ACSS1: variants seen among roughly 807,000 people sequenced by gnomAD.
ACSS1 encodes the protein acyl-CoA synthetase short chain family member 1.
Under a neutral mutation model 75.3 loss-of-function variants are expected in ACSS1, and 42 were observed. That is an observed-to-expected ratio of 0.56 (90% CI 0.44 to 0.72). ACSS1 has a LOEUF of 0.72. Ranked by LOEUF, ACSS1 falls within the 30% of genes least tolerant of loss-of-function variation. ACSS1 has a pLI of 0.00. For synonymous variants in ACSS1, 380 were observed against 376.8 expected, an observed-to-expected ratio of 1.01 and a Z score of -0.10; for missense variants, 782 against 935.7, an observed-to-expected ratio of 0.84 and a Z score of 2.14.
chr20:25,048,035 G>A (rs777191898), intron 2 of ACSS1, 50 bp downstream of exon 2: 1 of 1,558,128 alleles, frequency 6.4e-7, no homozygotes, highest in Middle Eastern at 1.7e-4. Flanking sequence ...CAGCACACAG[G>A]ACTGGGCTGG....
intron 7 of ACSS1, among the ~76,000 whole-genome samples, chr20:25,017,552 C>T (rs1300469417): frequency 1.3e-5 from 2 of 152,226 alleles, no homozygotes; most frequent in Non-Finnish European, 2.9e-5. Flanking sequence ...CCTGGCCTCC[C>T]GCAGGGCTCT....
chr20:25,022,705 C>A lies in ACSS1; in HGVS notation c.960+235G>T, dbSNP rs569994406. On this transcript the variant is annotated intron_variant, in intron 5 of 13. Transcript: ENST00000323482. ...AATGGCCCTTAGTGTCCTGCTGCCG[C>A]GTTACATGATCAGATTATCTGGGAG... Among the ~76,000 whole-genome samples, 4 of 152,256 alleles carry A rather than the reference C, an allele frequency of 2.6e-5. 1 individual carries two copies. In the South Asian group the frequency reaches 6.2e-4, roughly 24 times the overall value.
chr20:25,023,182 G>A, intron 4 of ACSS1, 90 bp from the exon 5 acceptor site: 1 of 1,468,366 alleles, frequency 6.8e-7, no homozygotes, highest in Non-Finnish European at 9.1e-7. Flanking sequence ...TCCACACACA[G>A]GATTCAGAAT....
At chr20:25,025,108 C>T (rs62217173) in intron 3 of ACSS1, among the ~76,000 whole-genome samples, 19,005 of 152,246 alleles carry the variant, frequency 0.12, 1,445 homozygotes, top group Middle Eastern at 0.22. Flanking sequence ...CTCAAGGGGA[C>T]GGGAGACAAA....
chr20:25,040,483 C>T (rs2088982656), intron 2 of ACSS1, among the ~76,000 whole-genome samples: 1 of 152,242 alleles, frequency 6.6e-6, no homozygotes, highest in East Asian at 1.9e-4. Context: ...TCGGGCCCAG[C>T]GACTTTCCTT....
intron 13 of ACSS1, 99 bp downstream of exon 13, chr20:25,009,171 T>C: frequency 2.8e-6 from 3 of 1,088,356 alleles, no homozygotes; most frequent in Middle Eastern, 4.1e-4. Context: ...GTTTTGATGC[T>C]AATTGGAAAA....
At chr20:25,053,541 G>T (rs1197805275) in intron 1 of ACSS1, among the ~76,000 whole-genome samples, 2 of 152,148 alleles carry the variant, frequency 1.3e-5, no homozygotes, top group African/African-American at 2.4e-5. Flanking sequence ...AAGATTAGGG[G>T]TTCCTTTTTC....
In ACSS1 at chr20:25,012,836, C is replaced by T. The variant is rs2088436309; in HGVS notation, c.1683G>A (p.Gly561=). The T allele has an allele frequency of 6.2e-7, 1 of 1,614,160 alleles. No individual in the cohort carries two copies. The highest frequency in any genetic ancestry group is 2.2e-5 in the East Asian group (1 of 44,886). ...DVINISGHRL[G]TAEIEDAIAD... is the part of the protein sequence containing the mutation. ...CGATGGCGTCCTCAATCTCTGCGGTCCCCAGCCGGTGGCCACTGATGTTGA... is the reference window on the plus strand; with the variant it reads ...CGATGGCGTCCTCAATCTCTGCGGTTCCCAGCCGGTGGCCACTGATGTTGA... Residue 561 remains glycine, a synonymous_variant, in exon 11 of 14, where the codon GGG becomes GGA. Coordinates refer to ENST00000323482, the MANE Select transcript of ACSS1 (RefSeq NM_032501.4).
chr20:25,017,431 C>G (rs939041871), intron 7 of ACSS1, among the ~76,000 whole-genome samples: 1 of 152,204 alleles, frequency 6.6e-6, no homozygotes, highest in East Asian at 1.9e-4. Context: ...CACACTGACT[C>G]CCAGCACTGC....
intron 3 of ACSS1, among the ~76,000 whole-genome samples, chr20:25,028,287 A>G (rs1229195359): frequency 6.6e-6 from 1 of 152,232 alleles, no homozygotes. Flanking sequence ...ACAAGAAAGC[A>G]AGAAGAGCCA....
At chr20:25,053,857 G>A (rs1294631342) in intron 1 of ACSS1, among the ~76,000 whole-genome samples, 1 of 152,180 alleles carries the variant, frequency 6.6e-6, no homozygotes, top group East Asian at 1.9e-4. Context: ...CTTAAAATTG[G>A]GGGTTTTAAA....
At chr20:25,025,968 G>T (rs1300554044) in intron 3 of ACSS1, among the ~76,000 whole-genome samples, 1 of 152,114 alleles carries the variant, frequency 6.6e-6, no homozygotes, top group African/African-American at 2.4e-5. Context: ...GCTTCTGGGG[G>T]ATTACAGTGT....
At chr20:25,040,459 T>C (rs2088982018) in intron 2 of ACSS1, among the ~76,000 whole-genome samples, 1 of 152,262 alleles carries the variant, frequency 6.6e-6, no homozygotes, top group Non-Finnish European at 1.5e-5. Context: ...GCACAGCCAC[T>C]TGGCATACCT....
At chr20:25,018,565 C>T (rs908630850) in intron 7 of ACSS1, among the ~76,000 whole-genome samples, 5 of 152,174 alleles carry the variant, frequency 3.3e-5, no homozygotes, top group African/African-American at 1.2e-4. Flanking sequence ...CCAAGTGCTG[C>T]GTTCAACACA....
chr20:25,032,698 G>GA, intron 2 of ACSS1: 2 of 1,179,554 alleles, frequency 1.7e-6, no homozygotes, highest in Non-Finnish European at 2.1e-6. Flanking sequence ...GGTAGTCAAG[G>GA]AAAGGGCTCC....
intron 1 of ACSS1, among the ~76,000 whole-genome samples, chr20:25,053,006 G>A (rs1275859482): frequency 1.3e-5 from 2 of 151,576 alleles, no homozygotes; most frequent in Admixed American, 1.3e-4. Flanking sequence ...AACTGAAAGT[G>A]GAACCCAGCA....
Position 25,007,650 on chromosome 20 carries a change from G to T in ACSS1, c.*112C>A. 6.5e-7 allele frequency: 1 copy of T among 1,527,792 alleles called. No homozygotes were observed. The highest frequency in any genetic ancestry group is 8.7e-7 in the Non-Finnish European group (1 of 1,142,940). 94.6% of individuals were successfully genotyped at this position (1,527,792 alleles called of 1,614,324 possible). On this transcript the variant is annotated 3_prime_UTR_variant, in exon 14 of 14. Coordinates refer to ENST00000323482, the MANE Select transcript of ACSS1 (RefSeq NM_032501.4). ...GAGGGCGGTGTGGGTCATGTGTGGG[G>T]TGGGGGCTGCTTCTGGGACGTAGGA...
intron 2 of ACSS1, among the ~76,000 whole-genome samples, chr20:25,032,890 C>T (rs1206985489): frequency 6.6e-6 from 1 of 152,244 alleles, no homozygotes; most frequent in East Asian, 1.9e-4. Flanking sequence ...GCCAGCACGC[C>T]TGCCCAGCCT....
intron 7 of ACSS1, among the ~76,000 whole-genome samples, chr20:25,019,070 T>C (rs925946022): frequency 1.3e-5 from 2 of 152,218 alleles, no homozygotes; most frequent in Non-Finnish European, 2.9e-5. Flanking sequence ...TGGAATCACA[T>C]GTTCACTGGG....
Sources: allele counts gnomAD v4.1 joint callset (sites outside exome capture counted in the v4.1 genomes callset), GRCh38; gene constraint gnomAD v4.1.1; transcripts MANE v1.5; gene names NCBI Gene and HGNC (gene_info 2026-07-23, HGNC 2026-07-21).